YPEL2: variants seen among roughly 807,000 people sequenced by gnomAD.
YPEL2 encodes the protein protein yippee-like 2.
YPEL2 carries 2 observed loss-of-function variants against 19.1 expected under a neutral mutation model. The ratio of observed to expected loss-of-function variants is 0.10; its 90% CI spans 0.04 to 0.33. The LOEUF (loss-of-function observed/expected upper bound fraction) is 0.33. YPEL2 is among the 10% of genes least tolerant of loss of function. YPEL2 has a pLI of 1.00. For missense variants in YPEL2, 66 were observed against 140.7 expected, an observed-to-expected ratio of 0.47 and a Z score of 2.68; for synonymous variants, 52 against 50.0, an observed-to-expected ratio of 1.04 and a Z score of -0.17.
At chr17:59,393,946 G>T (rs572683339) in intron 4 of YPEL2, among the ~76,000 whole-genome samples, 20 of 152,292 alleles carry the variant, frequency 1.3e-4, no homozygotes, top group Admixed American at 3.3e-4. Context: ...ATCCGATTTC[G>T]CAATCTTTTC....
At chr17:59,348,815 G>GC (rs538965331) in intron 1 of YPEL2, among the ~76,000 whole-genome samples, 1 of 152,130 alleles carries the variant, frequency 6.6e-6, no homozygotes, top group Non-Finnish European at 1.5e-5. Context: ...GGACCCTGTT[G>GC]CCCCATTAAC....
intron 1 of YPEL2, among the ~76,000 whole-genome samples, chr17:59,347,580 A>G (rs1347511356): frequency 1.3e-5 from 2 of 152,210 alleles, no homozygotes; most frequent in Non-Finnish European, 2.9e-5. Flanking sequence ...CCAGGGCTGT[A>G]TAAGTCAGAG....
intron 2 of YPEL2, chr17:59,366,012 A>G (rs1443213864): frequency 1.3e-5 from 2 of 152,176 alleles, no homozygotes; most frequent in Non-Finnish European, 2.9e-5. Context: ...TCAAAAGGAA[A>G]ATTCTCTATC....
Position 59,397,349 on chromosome 17 carries a change from C to A in YPEL2, c.*159C>A. 1 of 465,076 alleles carries A rather than the reference C, an allele frequency of 2.2e-6. No homozygotes were observed. The highest frequency in any genetic ancestry group is 3.9e-6 in the Non-Finnish European group (1 of 258,004). 28.8% of individuals were successfully genotyped at this position (465,076 alleles called of 1,614,324 possible). ...TGACGCCATCTTTCTGGTGACCGGC[C>A]TCTAAATCGCTGTCTCTCTGTCTCT... On this transcript the variant is annotated 3_prime_UTR_variant, in exon 5 of 5. Transcript: ENST00000312655.
At chr17:59,367,208 G>T (rs149087374) in intron 2 of YPEL2, among the ~76,000 whole-genome samples, 134 of 152,270 alleles carry the variant, frequency 8.8e-4, no homozygotes, top group African/African-American at 3.1e-3. Context: ...GGTGTTGCAG[G>T]TCCCTGTGTG....
At chr17:59,339,367 A>T (rs1321444803) in intron 1 of YPEL2, among the ~76,000 whole-genome samples, 2 of 152,208 alleles carry the variant, frequency 1.3e-5, no homozygotes, top group Non-Finnish European at 2.9e-5. Flanking sequence ...ACTTAACTGC[A>T]GCCTTAAAGC....
intron 1 of YPEL2, among the ~76,000 whole-genome samples, chr17:59,333,881 C>T (rs1240753175): frequency 3.3e-5 from 5 of 152,160 alleles, no homozygotes; most frequent in Admixed American, 2.6e-4. Context: ...ATAAGAGCCC[C>T]TGATCTAGTG....
At chr17:59,337,183 C>CT (rs146083930) in intron 1 of YPEL2, among the ~76,000 whole-genome samples, 36,837 of 135,932 alleles carry the variant, frequency 0.27, 5,774 homozygotes, top group East Asian at 0.39. Flanking sequence ...GGGAGAAATT[C>CT]TTTTTTTTTG....
At chr17:59,349,491 C>T (rs58118722) in intron 1 of YPEL2, among the ~76,000 whole-genome samples, 2,260 of 151,130 alleles carry the variant, frequency 0.015, 59 homozygotes, top group East Asian at 0.11. Flanking sequence ...GGACTACGGG[C>T]GTGCGCTACC....
intron 2 of YPEL2, chr17:59,354,138 G>C (rs991651962): frequency 6.4e-5 from 10 of 157,020 alleles, no homozygotes; most frequent in African/African-American, 2.4e-4. Flanking sequence ...GCTTTCTAAA[G>C]TTGGGGCTGG....
intron 4 of YPEL2, 58 bp downstream of exon 4, chr17:59,389,526 T>C: frequency 7.3e-7 from 1 of 1,363,054 alleles, no homozygotes; most frequent in East Asian, 2.3e-5. Flanking sequence ...AAGAGCCTTA[T>C]GCCAGAACAC....
chr17:59,337,183 C>CTTTTTTTTTTTT (rs146083930), intron 1 of YPEL2, among the ~76,000 whole-genome samples: 3 of 136,500 alleles, frequency 2.2e-5, no homozygotes, highest in African/African-American at 2.8e-5. Context: ...GGGAGAAATT[C>CTTTTTTTTTTTT]TTTTTTTTTG....
chr17:59,354,727 C>T (rs2047804086), intron 2 of YPEL2: 1 of 152,362 alleles, frequency 6.6e-6, no homozygotes, highest in African/African-American at 2.4e-5. Context: ...GAGTCCTATC[C>T]TCTGGCCAGA....
In YPEL2 at chr17:59,353,681, C is replaced by G. The variant is rs1598032329; in HGVS notation, c.117+155C>G. 1.4e-6 allele frequency: 1 copy of G among 705,062 alleles called. No homozygotes were observed. The highest frequency in any genetic ancestry group is 2.0e-5 in the Admixed American group (1 of 50,304). The allele number at this position is 705,062 out of a possible 1,614,324, so 43.7% of individuals were successfully genotyped here. On this transcript the variant is annotated intron_variant, in intron 2 of 4. Coordinates refer to ENST00000312655, the MANE Select transcript of YPEL2 (RefSeq NM_001005404.4). The surrounding 1 kb of genome is among the most constrained non-coding windows in gnomAD (Gnocchi z 4.8). ...GACCGTCTCACTCAACTGAGAAAAACTCTGAGTTGGAGGGACAGAGTAGTC... is the reference window on the plus strand; with the variant it reads ...GACCGTCTCACTCAACTGAGAAAAAGTCTGAGTTGGAGGGACAGAGTAGTC...
chr17:59,350,968 G>C (rs1003933562), intron 1 of YPEL2, among the ~76,000 whole-genome samples: 1 of 152,102 alleles, frequency 6.6e-6, no homozygotes, highest in East Asian at 1.9e-4. Context: ...TTTGGCCTGG[G>C]GGAAGCCTAC....
chr17:59,371,905 T>C (rs1311395227), intron 2 of YPEL2, among the ~76,000 whole-genome samples: 1 of 152,220 alleles, frequency 6.6e-6, no homozygotes, highest in African/African-American at 2.4e-5. Context: ...TTCACTGGTC[T>C]CACTTCTTTG....
At chr17:59,381,139 A>G (rs189305018) in intron 2 of YPEL2, among the ~76,000 whole-genome samples, 1 of 152,354 alleles carries the variant, frequency 6.6e-6, no homozygotes, top group East Asian at 1.9e-4. Flanking sequence ...GTGGCAGCTC[A>G]GAGGTTAACT....
At chr17:59,334,571 A>AACACAC (rs35386954) in intron 1 of YPEL2, among the ~76,000 whole-genome samples, 6,762 of 145,158 alleles carry the variant, frequency 0.047, 474 homozygotes, top group African/African-American at 0.15. Flanking sequence ...TTCAGGCACA[A>AACACAC]ACACACACAC....
chr17:59,353,241 T>A lies in YPEL2; in HGVS notation c.-169T>A. 1.7e-6 allele frequency: 1 copy of A among 579,868 alleles called. No individual in the cohort carries two copies. The highest frequency in any genetic ancestry group is 3.1e-6 in the Non-Finnish European group (1 of 325,056). The allele number at this position is 579,868 out of a possible 1,614,324, so 35.9% of individuals were successfully genotyped here. A position where few individuals can be genotyped will look rare whatever the true frequency, so the allele number is the denominator to read the frequency against. ...CTGCTGAGAACTAGCCCTAGACCTC[T>A]GCGTGAGGGTTCTTCTGCCGAAGAC... On this transcript the variant is annotated 5_prime_UTR_variant, in exon 2 of 5. Coordinates refer to ENST00000312655, the MANE Select transcript of YPEL2 (RefSeq NM_001005404.4). The surrounding 1 kb of genome is among the most constrained non-coding windows in gnomAD (Gnocchi z 4.8).
Sources: allele counts gnomAD v4.1 joint callset (sites outside exome capture counted in the v4.1 genomes callset), GRCh38; gene constraint gnomAD v4.1.1; non-coding constraint Gnocchi (gnomAD v3.1); transcripts MANE v1.5; gene names NCBI Gene and HGNC (gene_info 2026-07-23, HGNC 2026-07-21).